Variants in FTCDNL1 observed in about 807,000 individuals in gnomAD.
FTCDNL1 encodes formiminotransferase cyclodeaminase N-terminal like, also known as formiminotransferase N-terminal subdomain-containing protein.
FTCDNL1 carries 11 observed loss-of-function variants against 5.9 expected under a neutral mutation model. The ratio of observed to expected loss-of-function variants is 1.87; its 90% CI spans 1.18 to 3.10. The LOEUF (loss-of-function observed/expected upper bound fraction) is 3.10, where lower values mean the gene tolerates loss of function less well. FTCDNL1 is among the 30% of genes most tolerant of loss of function. FTCDNL1 has a pLI of 0.00. For missense variants in FTCDNL1, 115 were observed against 65.5 expected (o/e 1.76, Z -2.61); for synonymous variants, 58 against 24.8 (o/e 2.34, Z -3.99).
the FTCDNL1 span, among the ~76,000 whole-genome samples, chr2:199,713,554 C>T: frequency 3.3e-5 from 5 of 152,298 alleles, no homozygotes; most frequent in East Asian, 1.9e-4. Flanking sequence ...TAACTCTCAA[C>T]TTAGTTTCTT....
chr2:199,791,810 C>T (rs890666050), intron 3 of FTCDNL1, among the ~76,000 whole-genome samples: 12 of 151,968 alleles, frequency 7.9e-5, no homozygotes, highest in African/African-American at 2.4e-4. Context: ...ATGAGAGAGA[C>T]TACAAGCAAA....
At chr2:199,745,796 G>A in the FTCDNL1 span, among the ~76,000 whole-genome samples, 1 of 152,114 alleles carries the variant, frequency 6.6e-6, no homozygotes, top group African/African-American at 2.4e-5. Flanking sequence ...CATATTGCAC[G>A]CAGATCAGAG....
the FTCDNL1 span, among the ~76,000 whole-genome samples, chr2:199,733,169 C>T: frequency 6.6e-6 from 1 of 152,194 alleles, no homozygotes; most frequent in Non-Finnish European, 1.5e-5. Context: ...TGCCAGGATA[C>T]TGAGGCTGGG....
At chr2:199,676,566 A>G in the FTCDNL1 span, among the ~76,000 whole-genome samples, 2 of 151,840 alleles carry the variant, frequency 1.3e-5, no homozygotes, top group African/African-American at 4.8e-5. Flanking sequence ...GTACCCCTAT[A>G]TTAATATATT....
At chr2:199,670,836 A>G in the FTCDNL1 span, among the ~76,000 whole-genome samples, 1 of 152,158 alleles carries the variant, frequency 6.6e-6, no homozygotes, top group African/African-American at 2.4e-5. Flanking sequence ...GAGGTTGGTT[A>G]GATGGGCCAG....
At chr2:199,771,025 G>A (rs906501058) in intron 3 of FTCDNL1, among the ~76,000 whole-genome samples, 1 of 152,192 alleles carries the variant, frequency 6.6e-6, no homozygotes, top group Non-Finnish European at 1.5e-5. Flanking sequence ...AGCACTGAAG[G>A]CAAGTTCCTT....
At chr2:199,683,463 G>A in the FTCDNL1 span, among the ~76,000 whole-genome samples, 1 of 151,516 alleles carries the variant, frequency 6.6e-6, no homozygotes, top group African/African-American at 2.4e-5. Context: ...CCATGTAGAG[G>A]CACATTAAAA....
chr2:199,774,671 T>G (rs1698974732), intron 3 of FTCDNL1, among the ~76,000 whole-genome samples: 1 of 152,170 alleles, frequency 6.6e-6, no homozygotes, highest in African/African-American at 2.4e-5. Flanking sequence ...AACCAGGGCA[T>G]GGCCTTGACA....
intron 3 of FTCDNL1, among the ~76,000 whole-genome samples, chr2:199,770,783 C>T (rs778962763): frequency 1.3e-5 from 2 of 152,218 alleles, no homozygotes; most frequent in Non-Finnish European, 2.9e-5. Context: ...CCATTGTCTG[C>T]CGCTTCACTC....
chr2:199,768,438 A>T (rs186393333), intron 3 of FTCDNL1, among the ~76,000 whole-genome samples: 1 of 152,334 alleles, frequency 6.6e-6, no homozygotes, highest in East Asian at 1.9e-4. Flanking sequence ...CAGACAAATG[A>T]GCCATTTTAC....
At chr2:199,758,838 A>T (rs1388288479), downstream of FTCDNL1, among the ~76,000 whole-genome samples, 2 of 152,180 alleles carry the variant, frequency 1.3e-5, no homozygotes, top group Non-Finnish European at 2.9e-5. Flanking sequence ...GATGCTCACA[A>T]AATTTTGAGA....
At chr2:199,692,039 C>T in the FTCDNL1 span, among the ~76,000 whole-genome samples, 14 of 152,092 alleles carry the variant, frequency 9.2e-5, no homozygotes, top group South Asian at 4.1e-4. Flanking sequence ...TCTTAAAATG[C>T]GGAACACACT....
At chr2:199,670,496 A>G in the FTCDNL1 span, among the ~76,000 whole-genome samples, 1 of 152,180 alleles carries the variant, frequency 6.6e-6, no homozygotes, top group East Asian at 1.9e-4. Flanking sequence ...AATAACAAGG[A>G]AGTTGCAGAA....
chr2:199,822,661 T>C (rs1299658916), intron 3 of FTCDNL1, among the ~76,000 whole-genome samples: 1 of 152,244 alleles, frequency 6.6e-6, no homozygotes, highest in Non-Finnish European at 1.5e-5. Context: ...GCAGTAAAAC[T>C]TCAATATTGG....
chr2:199,669,295 A>G, the FTCDNL1 span, among the ~76,000 whole-genome samples: 1,647 of 152,330 alleles, frequency 0.011, 32 homozygotes, highest in African/African-American at 0.038. Flanking sequence ...AAATCTGGAA[A>G]TCAAAGCAAA....
chr2:199,848,303 T>C (rs1559255062), intron 2 of FTCDNL1, among the ~76,000 whole-genome samples: 1 of 152,244 alleles, frequency 6.6e-6, no homozygotes, highest in Non-Finnish European at 1.5e-5. Flanking sequence ...TGAGTGATCT[T>C]AAGCGCATCA....
intron 3 of FTCDNL1, among the ~76,000 whole-genome samples, chr2:199,821,336 T>TAA (rs796898919): frequency 7.3e-6 from 1 of 136,856 alleles, no homozygotes; most frequent in Non-Finnish European, 1.6e-5. Flanking sequence ...TTTTTTTTTT[T>TAA]TTTTTAGTAG....
the FTCDNL1 span, among the ~76,000 whole-genome samples, chr2:199,728,331 T>C: frequency 1.3e-5 from 2 of 151,830 alleles, no homozygotes; most frequent in Non-Finnish European, 2.9e-5. Context: ...CACTGCAACC[T>C]CTGCTCCTGG....
chr2:199,695,205 TTGG>T, the FTCDNL1 span, among the ~76,000 whole-genome samples: 62 of 152,156 alleles, frequency 4.1e-4, no homozygotes, highest in African/African-American at 1.4e-3. Context: ...ACAAAGGGAG[TTGG>T]TGAATAATTC....
Sources: gnomAD v4.1 joint callset for allele counts (sites outside exome capture counted in the v4.1 genomes callset) on GRCh38, gnomAD v4.1.1 for gene constraint, MANE v1.5 for transcripts, NCBI Gene and HGNC (gene_info 2026-07-23, HGNC 2026-07-21) for gene names.